Variants in ITSN2 observed in about 807,000 individuals in gnomAD.
ITSN2 encodes intersectin 2.
Under a neutral mutation model 243.7 loss-of-function variants are expected in ITSN2, and 156 were observed. The observed-to-expected ratio is 0.64, with a 90% CI of 0.56 to 0.73. The LOEUF (loss-of-function observed/expected upper bound fraction) is 0.73. ITSN2 is among the 30% of genes least tolerant of loss of function. The probability of loss-of-function intolerance (pLI) is 0.00; values close to 1 mark genes in which losing one functional copy is unlikely to be tolerated. For synonymous variants in ITSN2, 703 were observed against 699.9 expected (o/e 1.00, Z -0.07); for missense variants, 1,801 against 1,996.1 (o/e 0.90, Z 1.86).
At chr2:24,293,966 A>G (rs932720011) in intron 14 of ITSN2, among the ~76,000 whole-genome samples, 191 bp from the exon 15 acceptor site, 2 of 152,214 alleles carry the variant, frequency 1.3e-5, no homozygotes, top group African/African-American at 4.8e-5. Flanking sequence ...GCCAAAATCA[A>G]TTTTGAGTGA....
chr2:24,350,767 T>A (rs1205663702), intron 1 of ITSN2, among the ~76,000 whole-genome samples: 1 of 152,216 alleles, frequency 6.6e-6, no homozygotes, highest in East Asian at 1.9e-4. Flanking sequence ...TATTGTATAA[T>A]TCCATTTATA....
intron 20 of ITSN2, among the ~76,000 whole-genome samples, chr2:24,263,793 T>C (rs1056118200): frequency 6.6e-6 from 1 of 152,252 alleles, no homozygotes; most frequent in South Asian, 2.1e-4. Context: ...ACAATTTGTT[T>C]ATCCTTTCAA....
chr2:24,300,299 T>C, intron 11 of ITSN2, 128 bp from the exon 12 acceptor site: 1 of 796,728 alleles, frequency 1.3e-6, no homozygotes, highest in Non-Finnish European at 1.9e-6. Flanking sequence ...CTCCTAAGGA[T>C]AATTTTAACT....
At chr2:24,245,232 G>C (rs1414063985) in intron 29 of ITSN2, among the ~76,000 whole-genome samples, 1 of 152,134 alleles carries the variant, frequency 6.6e-6, no homozygotes, top group Non-Finnish European at 1.5e-5. Context: ...CACACTTCGA[G>C]ATCTGGACCC....
intron 2 of ITSN2, among the ~76,000 whole-genome samples, chr2:24,327,114 G>C (rs956756982): frequency 1.3e-5 from 2 of 151,696 alleles, no homozygotes; most frequent in Non-Finnish European, 2.9e-5. Flanking sequence ...TCAGAATCTA[G>C]ATTTCTTTAG....
At chr2:24,231,616 A>G (rs995886762) in intron 29 of ITSN2, among the ~76,000 whole-genome samples, 4 of 152,228 alleles carry the variant, frequency 2.6e-5, no homozygotes, top group African/African-American at 9.6e-5. Flanking sequence ...ATGTCGCACC[A>G]TAGTTGGGAA....
At chr2:24,210,975 G>A (rs1431297252) in intron 33 of ITSN2, 28 bp from the exon 34 acceptor site, 1 of 1,610,548 alleles carries the variant, frequency 6.2e-7, no homozygotes, top group East Asian at 2.2e-5. Context: ...GTGTCACATG[G>A]GGGAGCTGCG....
At chr2:24,219,546 G>C (rs935066262) in intron 30 of ITSN2, among the ~76,000 whole-genome samples, 1 of 152,230 alleles carries the variant, frequency 6.6e-6, no homozygotes, top group Non-Finnish European at 1.5e-5. Context: ...CCATGTAGCT[G>C]CTTTGTGCCG....
At chr2:24,260,965 C>T in intron 22 of ITSN2, 141 bp downstream of exon 22, 1 of 612,734 alleles carries the variant, frequency 1.6e-6, no homozygotes, top group East Asian at 3.3e-5. Context: ...TTCAACTTCA[C>T]ATCACATGTG....
chr2:24,260,428 G>A (rs1463085895), intron 22 of ITSN2, among the ~76,000 whole-genome samples: 4 of 144,338 alleles, frequency 2.8e-5, no homozygotes, highest in Non-Finnish European at 6.0e-5. Flanking sequence ...CTAAATATAC[G>A]TTAAAAAGTT....
chr2:24,300,549 C>T (rs748361329), intron 11 of ITSN2, among the ~76,000 whole-genome samples: 1 of 152,104 alleles, frequency 6.6e-6, no homozygotes, highest in East Asian at 1.9e-4. Flanking sequence ...GAAACCCCAT[C>T]TCTACTAAAA....
In ITSN2 at chr2:24,246,340, A is replaced by G; in HGVS notation, c.3386-20T>C. 6.7e-7 allele frequency: 1 copy of G among 1,483,458 alleles called. No homozygotes were observed. The allele number at this position is 1,483,458 out of a possible 1,614,324, so 91.9% of individuals were successfully genotyped here. The stretch of plus-strand genomic sequence containing the variant: ...GACATACTATCACAAGAATAACAAA[A>G]TAACACATTAAACAAATTAATTATT... On this transcript the variant is annotated intron_variant, in intron 28 of 39. Coordinates refer to ENST00000355123, the MANE Select transcript of ITSN2 (RefSeq NM_006277.3).
At chr2:24,270,606 A>G (rs1574090855) in intron 20 of ITSN2, 65 bp downstream of exon 20, 2 of 779,832 alleles carry the variant, frequency 2.6e-6, no homozygotes, top group East Asian at 2.5e-5. Flanking sequence ...CAACATTACT[A>G]CAGAAACTAA....
At chr2:24,343,463 A>T (rs1687237350) in intron 1 of ITSN2, among the ~76,000 whole-genome samples, 1 of 152,100 alleles carries the variant, frequency 6.6e-6, no homozygotes, top group African/African-American at 2.4e-5. Flanking sequence ...TTTTGCTTGT[A>T]CTGTAACCAC....
intron 24 of ITSN2, 45 bp from the exon 25 acceptor site, chr2:24,252,556 T>G: frequency 7.0e-7 from 1 of 1,422,062 alleles, no homozygotes; most frequent in Admixed American, 2.0e-5. Flanking sequence ...GTTTTAAGAT[T>G]ACAGAAGTGA....
chr2:24,262,413 T>C (rs1307108356), intron 20 of ITSN2, among the ~76,000 whole-genome samples: 1 of 152,240 alleles, frequency 6.6e-6, no homozygotes, highest in Non-Finnish European at 1.5e-5. Flanking sequence ...TTTTGAACTC[T>C]CTAACAGAAC....
Position 24,211,055 on chromosome 2 carries a change from C to T in ITSN2, c.4090-108G>A, listed in dbSNP as rs562275232. 1.6e-5 allele frequency: 17 copies of T among 1,051,228 alleles called. No individual in the cohort carries two copies. In the African/African-American group the frequency reaches 2.1e-4, roughly 13 times the overall value. 65.1% of individuals were successfully genotyped at this position (1,051,228 alleles called of 1,614,324 possible). ...CCCCATGTTATGGACTGCTTCCATG[C>T]CCTGGAAACGCGGCGGTGAACAAGA... On this transcript the variant is annotated intron_variant, in intron 33 of 39. Coordinates refer to ENST00000355123, the MANE Select transcript of ITSN2 (RefSeq NM_006277.3). The surrounding 1 kb of genome is among the most constrained non-coding windows in gnomAD (Gnocchi z 4.1).
In ITSN2 at chr2:24,204,138, T is replaced by C. The variant is rs1668596015; in HGVS notation, c.4936+107A>G. The C allele has an allele frequency of 8.9e-7, 1 of 1,128,310 alleles. No individual in the cohort carries two copies. Among genetic ancestry groups the C allele is most frequent in the South Asian group, 1.4e-5 (1 of 69,954 alleles). 69.9% of individuals were successfully genotyped at this position (1,128,310 alleles called of 1,614,324 possible). Reference sequence around the variant, plus strand: ...CGAGATGACACAGGCCTGTGTCACTTCCCTGAAGTGGCATGGGGTCTGCAC... The same window carrying C: ...CGAGATGACACAGGCCTGTGTCACTCCCCTGAAGTGGCATGGGGTCTGCAC... On this transcript the variant is annotated intron_variant, in intron 39 of 39. Transcript: ENST00000355123. The surrounding 1 kb of genome is among the most constrained non-coding windows in gnomAD (Gnocchi z 5.1).
chr2:24,218,432 G>A (rs1670163056), intron 30 of ITSN2, among the ~76,000 whole-genome samples: 1 of 152,242 alleles, frequency 6.6e-6, no homozygotes, highest in Non-Finnish European at 1.5e-5. Context: ...GAGAACCAGA[G>A]TAACAACTTA....
Sources: gnomAD v4.1 joint callset for allele counts (sites outside exome capture counted in the v4.1 genomes callset) on GRCh38, gnomAD v4.1.1 for gene constraint, Gnocchi (gnomAD v3.1) non-coding constraint, MANE v1.5 for transcripts, NCBI Gene and HGNC (gene_info 2026-07-23, HGNC 2026-07-21) for gene names.